The following RNF220 variants were observed in gnomAD, a reference collection of about 807,000 sequenced individuals.
RNF220 encodes the protein E3 ubiquitin-protein ligase RNF220.
In RNF220, 7 loss-of-function variants were observed where a neutral mutation model predicts 67.1. The observed-to-expected ratio is 0.10, with a 90% CI of 0.06 to 0.20. The LOEUF (loss-of-function observed/expected upper bound fraction) is 0.20, where lower values mean the gene tolerates loss of function less well. Ranked by LOEUF, RNF220 falls within the 10% of genes least tolerant of loss-of-function variation. The pLI is 1.00. For missense variants in RNF220, 565 were observed against 740.3 expected, an observed-to-expected ratio of 0.76 and a Z score of 2.75; for synonymous variants, 270 against 283.2, an observed-to-expected ratio of 0.95 and a Z score of 0.47.
At chr1:44,588,031 A>G (rs1665835610) in intron 2 of RNF220, among the ~76,000 whole-genome samples, 1 of 152,164 alleles carries the variant, frequency 6.6e-6, no homozygotes, top group South Asian at 2.1e-4. Flanking sequence ...CCGAGGCCAT[A>G]AATCCTGCCT....
chr1:44,417,957 G>A lies in RNF220; in HGVS notation c.625+5235G>A, dbSNP rs1172914036. On this transcript the variant is annotated intron_variant, in intron 2 of 14. Transcript: ENST00000361799. The surrounding 1 kb of genome is among the most constrained non-coding windows in gnomAD (Gnocchi z 4.0). ...CCGCGCGCCGCCTCGAGGGCCGGGA[G>A]CGCCCAGCCCGCGGCCGCACACACG... Among the ~76,000 whole-genome samples the A allele has an allele frequency of 6.6e-6, 1 of 151,798 alleles. No individual in the cohort carries two copies.
chr1:44,589,613 CA>C (rs11437946), intron 2 of RNF220, among the ~76,000 whole-genome samples: 1,891 of 109,298 alleles, frequency 0.017, 27 homozygotes, highest in African/African-American at 0.06. Flanking sequence ...GACTGCATCT[CA>C]AAAAAAAAAA....
At chr1:44,474,943 C>T (rs549774094) in intron 2 of RNF220, among the ~76,000 whole-genome samples, 131 of 151,902 alleles carry the variant, frequency 8.6e-4, no homozygotes, top group African/African-American at 2.8e-3. Context: ...GCCATGGATA[C>T]GAAGGGACAA....
intron 2 of RNF220, 116 bp from the exon 3 acceptor site, chr1:44,614,049 C>A: frequency 7.0e-7 from 1 of 1,422,290 alleles, no homozygotes; most frequent in Non-Finnish European, 9.6e-7. Flanking sequence ...GGCCCCTCCT[C>A]TAGGCCAAGA....
chr1:44,455,509 G>T (rs1235788997), intron 2 of RNF220, among the ~76,000 whole-genome samples: 1 of 152,052 alleles, frequency 6.6e-6, no homozygotes, highest in Non-Finnish European at 1.5e-5. Flanking sequence ...AAAATTTATG[G>T]GATGGAAAAA....
chr1:44,568,365 G>A (rs1466779076), intron 2 of RNF220, among the ~76,000 whole-genome samples: 1 of 152,154 alleles, frequency 6.6e-6, no homozygotes, highest in Non-Finnish European at 1.5e-5. Context: ...TCTCACATAG[G>A]TATCTGTGCA....
intron 2 of RNF220, among the ~76,000 whole-genome samples, chr1:44,474,598 A>G (rs1655126333): frequency 6.6e-6 from 1 of 151,292 alleles, no homozygotes; most frequent in South Asian, 2.1e-4. Context: ...AGTCCCAGCT[A>G]CTTGGGAAGC....
At chr1:44,581,342 C>T (rs1572943828) in intron 2 of RNF220, among the ~76,000 whole-genome samples, 1 of 152,356 alleles carries the variant, frequency 6.6e-6, no homozygotes, top group East Asian at 1.9e-4. Flanking sequence ...GGACAGGTCC[C>T]AGCTGCTTGT....
chr1:44,527,015 T>G (rs1200116720), intron 2 of RNF220, among the ~76,000 whole-genome samples: 2 of 151,946 alleles, frequency 1.3e-5, no homozygotes, highest in African/African-American at 2.4e-5. Flanking sequence ...CTTCCCAGAG[T>G]ACACTGCTTC....
At position 44,405,500 on chromosome 1, in the gene RNF220, C is replaced by A. The variant is rs143189431; in HGVS notation, c.-148C>A. On this transcript the variant is annotated 5_prime_UTR_variant, in exon 1 of 15. The change creates a premature stop within an existing upstream ORF in the 5' untranslated region. Coordinates refer to ENST00000361799, the MANE Select transcript of RNF220 (RefSeq NM_018150.4). ...GCTTCCCTCCGTGTCCTGAAAAGTG[C>A]GACCGTTCTCCCAAGGAATTTCCAC... 3 of 470,808 alleles carry A rather than the reference C, an allele frequency of 6.4e-6. No individual in the cohort carries two copies. Among genetic ancestry groups the A allele is most frequent in the African/African-American group, 6.2e-5 (3 of 48,290 alleles). The allele number at this position is 470,808 out of a possible 1,614,324, so 29.2% of individuals were successfully genotyped here. A position where few individuals can be genotyped will look rare whatever the true frequency, so the allele number is the denominator to read the frequency against.
Position 44,621,415 on chromosome 1 carries a change from A to C in RNF220, c.759-1327A>C, listed in dbSNP as rs1643790128. On this transcript the variant is annotated intron_variant, in intron 3 of 14. Transcript: ENST00000361799. The surrounding 1 kb of genome is among the most constrained non-coding windows in gnomAD (Gnocchi z 4.8). ...CACAGTTGACATTTGGGGTCAGATAATTCTTTGCTGTGAGGGGCTGTCTGG... is the reference window on the plus strand; with the variant it reads ...CACAGTTGACATTTGGGGTCAGATACTTCTTTGCTGTGAGGGGCTGTCTGG... Among the ~76,000 whole-genome samples, 1 of 152,122 alleles carries C rather than the reference A, an allele frequency of 6.6e-6. No individual in the cohort carries two copies. The highest frequency in any genetic ancestry group is 2.1e-4 in the South Asian group (1 of 4,824).
intron 2 of RNF220, among the ~76,000 whole-genome samples, chr1:44,457,276 T>C (rs1052268918): frequency 6.6e-6 from 1 of 152,158 alleles, no homozygotes; most frequent in African/African-American, 2.4e-5. Context: ...AACATTTCAA[T>C]AGGGAAACAT....
chr1:44,420,654 A>T (rs1326522658), intron 2 of RNF220, among the ~76,000 whole-genome samples: 1 of 152,132 alleles, frequency 6.6e-6, no homozygotes, highest in Non-Finnish European at 1.5e-5. Flanking sequence ...TAACATAGTC[A>T]CTATGAGTTT....
At chr1:44,447,326 T>C (rs1054293243) in intron 2 of RNF220, among the ~76,000 whole-genome samples, 23 of 152,176 alleles carry the variant, frequency 1.5e-4, no homozygotes, top group African/African-American at 3.9e-4. Context: ...GCACCTACTT[T>C]ACAAATTGCT....
chr1:44,518,028 A>G (rs1232115216), intron 2 of RNF220, among the ~76,000 whole-genome samples: 1 of 152,098 alleles, frequency 6.6e-6, no homozygotes, highest in Admixed American at 6.5e-5. Context: ...AATCACTTGA[A>G]CCCGGGAGGC....
chr1:44,614,380 C>A (rs1410230301), intron 3 of RNF220, 83 bp downstream of exon 3: 4 of 1,497,822 alleles, frequency 2.7e-6, no homozygotes, highest in Admixed American at 3.7e-5. Context: ...AGCCGCCTGG[C>A]CCATACCCCA....
chr1:44,405,385 T>TGCTGCTGCTGCTGCC lies in RNF220; in HGVS notation c.-252_-251insTGCCGCTGCTGCTGC, dbSNP rs1553208916. 1.6e-6 allele frequency: 1 copy of TGCTGCTGCTGCTGCC among 627,518 alleles called. No individual in the cohort carries two copies. Among genetic ancestry groups the TGCTGCTGCTGCTGCC allele is most frequent in the Non-Finnish European group, 2.9e-6 (1 of 348,162 alleles). The allele number at this position is 627,518 out of a possible 1,614,324, so 38.9% of individuals were successfully genotyped here. Reference sequence around the variant, plus strand: ...CCCGGGGCCAGCCGCCTACTGCTGCTGCTGCTGCTGCCGCTGCCGCCGCCG... The same window carrying TGCTGCTGCTGCTGCC: ...CCCGGGGCCAGCCGCCTACTGCTGCTGCTGCTGCTGCTGCCGCTGCTGCTGCCGCTGCCGCCGCCG... On this transcript the variant is annotated 5_prime_UTR_variant, in exon 1 of 15. Coordinates refer to ENST00000361799, the MANE Select transcript of RNF220 (RefSeq NM_018150.4).
At chr1:44,461,788 A>T (rs74686827) in intron 2 of RNF220, among the ~76,000 whole-genome samples, 3 of 152,208 alleles carry the variant, frequency 2.0e-5, no homozygotes, top group African/African-American at 4.8e-5. Context: ...GTCCTCACAT[A>T]TGTAAAATTG....
At position 44,600,785 on chromosome 1, in the gene RNF220, C is replaced by T. The variant is rs1365843472; in HGVS notation, c.626-13380C>T. On this transcript the variant is annotated intron_variant, in intron 2 of 14. Transcript: ENST00000361799. The surrounding 1 kb of genome is among the most constrained non-coding windows in gnomAD (Gnocchi z 4.0). ...GCAGTGAGCTGAGATAGCGCCATTG[C>T]ACTCCAGCCTGGGCAACAAGAGCAA... Among the ~76,000 whole-genome samples the T allele has an allele frequency of 6.6e-6, 1 of 151,742 alleles. No homozygotes were observed. The highest frequency in any genetic ancestry group is 1.5e-5 in the Non-Finnish European group (1 of 67,964).
Sources: allele counts gnomAD v4.1 joint callset (sites outside exome capture counted in the v4.1 genomes callset), GRCh38; gene constraint gnomAD v4.1.1; non-coding constraint Gnocchi (gnomAD v3.1); transcripts MANE v1.5; gene names NCBI Gene and HGNC (gene_info 2026-07-23, HGNC 2026-07-21).